Variants in ZNF804A observed in about 807,000 individuals in gnomAD.
ZNF804A encodes zinc finger protein 804A.
In ZNF804A, 2 loss-of-function variants were observed where a neutral mutation model predicts 16.5. The observed-to-expected ratio is 0.12, with a 90% confidence interval of 0.05 to 0.38. The LOEUF is 0.38. ZNF804A is among the 10% of genes least tolerant of loss of function. The pLI is 0.99. For synonymous variants in ZNF804A, 534 were observed against 489.6 expected, an observed-to-expected ratio of 1.09 and a Z score of -1.20; for missense variants, 1,473 against 1,390.7, an observed-to-expected ratio of 1.06 and a Z score of -0.94.
intron 2 of ZNF804A, among the ~76,000 whole-genome samples, chr2:184,872,835 A>G (rs1213173283): frequency 6.6e-6 from 1 of 152,190 alleles, no homozygotes; most frequent in African/African-American, 2.4e-5. Flanking sequence ...CCTAACAGTT[A>G]CCAAGACTAT....
rs1693835272 is a variant in ZNF804A at position 184,748,898 on chromosome 2, G to T, written c.112-117471G>T. 2.6e-5 allele frequency among the ~76,000 whole-genome samples: 4 copies of T among 151,238 alleles called. No individual in the cohort carries two copies. The South Asian group carries it at 8.3e-4, about 31-fold the overall frequency. ...CTTGTTGAATATCAGCATGTTGTAG[G>T]TGTGCGGCTTTATTTCTGAGTTTTC... On this transcript the variant is annotated intron_variant, in intron 1 of 3. Transcript: ENST00000302277.
intron 3 of ZNF804A, 120 bp from the exon 4 acceptor site, chr2:184,935,663 G>T: frequency 1.7e-6 from 2 of 1,200,290 alleles, no homozygotes; most frequent in Non-Finnish European, 2.2e-6. Context: ...AGGCAATTCT[G>T]TCACAAAGAT....
chr2:184,748,361 C>T (rs1235770557), intron 1 of ZNF804A, among the ~76,000 whole-genome samples: 3 of 151,174 alleles, frequency 2.0e-5, no homozygotes, highest in South Asian at 2.1e-4. Context: ...TCTTAATTTG[C>T]ATTTCTCTGA....
chr2:184,636,549 C>CCGTG, intron 1 of ZNF804A, among the ~76,000 whole-genome samples: 1 of 138,624 alleles, frequency 7.2e-6, no homozygotes, highest in Admixed American at 7.3e-5. Context: ...GGCTCTAGGG[C>CCGTG]TGTGTGTGTG....
At chr2:184,748,776 A>G (rs940035642) in intron 1 of ZNF804A, among the ~76,000 whole-genome samples, 2 of 151,318 alleles carry the variant, frequency 1.3e-5, no homozygotes, top group Non-Finnish European at 3.0e-5. Flanking sequence ...GGTGAAAGGT[A>G]AGTGTCTAGT....
At chr2:184,912,266 G>C (rs1361594808) in intron 2 of ZNF804A, among the ~76,000 whole-genome samples, 1 of 151,966 alleles carries the variant, frequency 6.6e-6, no homozygotes, top group Non-Finnish European at 1.5e-5. Context: ...TTTGTGTCTG[G>C]CTTATTTCCC....
At chr2:184,655,561 T>A (rs1692062448) in intron 1 of ZNF804A, among the ~76,000 whole-genome samples, 1 of 152,200 alleles carries the variant, frequency 6.6e-6, no homozygotes, top group African/African-American at 2.4e-5. Flanking sequence ...AATTGGTCCT[T>A]TTTGGATGAA....
At chr2:184,886,805 G>T (rs187092887) in intron 2 of ZNF804A, among the ~76,000 whole-genome samples, 1 of 152,202 alleles carries the variant, frequency 6.6e-6, no homozygotes, top group African/African-American at 2.4e-5. Flanking sequence ...TGCACACAGC[G>T]TGGGGGCCTG....
At chr2:184,655,482 G>C (rs1692061289) in intron 1 of ZNF804A, among the ~76,000 whole-genome samples, 1 of 152,168 alleles carries the variant, frequency 6.6e-6, no homozygotes, top group Non-Finnish European at 1.5e-5. Context: ...GGATGCATTT[G>C]ATCAACGACC....
chr2:184,619,639 G>T (rs1691386386), intron 1 of ZNF804A, among the ~76,000 whole-genome samples: 1 of 151,832 alleles, frequency 6.6e-6, no homozygotes, highest in African/African-American at 2.4e-5. Context: ...AAGCAGGTGG[G>T]TACAGTTATT....
intron 1 of ZNF804A, among the ~76,000 whole-genome samples, chr2:184,645,220 T>G (rs1691852698): frequency 6.6e-6 from 1 of 152,164 alleles, no homozygotes; most frequent in Admixed American, 6.5e-5. Flanking sequence ...TTTCAACGTT[T>G]TGTCTTCATA....
At chr2:184,754,937 A>T (rs1026903510) in intron 1 of ZNF804A, among the ~76,000 whole-genome samples, 1 of 151,848 alleles carries the variant, frequency 6.6e-6, no homozygotes, top group South Asian at 2.1e-4. Context: ...AAACCATCAG[A>T]TCTCGTGAGA....
intron 2 of ZNF804A, among the ~76,000 whole-genome samples, chr2:184,917,629 G>A (rs551396118): frequency 1.5e-4 from 23 of 151,840 alleles, no homozygotes; most frequent in Non-Finnish European, 2.4e-4. Context: ...ATTAGTTATC[G>A]TTAATCTTAC....
chr2:184,742,178 G>T (rs921764939), intron 1 of ZNF804A, among the ~76,000 whole-genome samples: 3 of 152,050 alleles, frequency 2.0e-5, no homozygotes, highest in African/African-American at 7.2e-5. Flanking sequence ...CGGATATGGT[G>T]TGTAACTATA....
chr2:184,886,375 GA>G (rs1391205160), intron 2 of ZNF804A, among the ~76,000 whole-genome samples: 1 of 152,156 alleles, frequency 6.6e-6, no homozygotes, highest in Non-Finnish European at 1.5e-5. Flanking sequence ...GCTGGCATTG[GA>G]GTGTCTGTGG....
chr2:184,884,515 A>G (rs75500215), intron 2 of ZNF804A, among the ~76,000 whole-genome samples: 2 of 152,066 alleles, frequency 1.3e-5, no homozygotes, highest in South Asian at 4.1e-4. Flanking sequence ...TAAAAAAAAA[A>G]TCAAAGCTGG....
chr2:184,640,782 A>G (rs1189486616), intron 1 of ZNF804A, among the ~76,000 whole-genome samples: 1 of 152,194 alleles, frequency 6.6e-6, no homozygotes, highest in East Asian at 1.9e-4. Flanking sequence ...AAAGTTTATG[A>G]TAATGGCTTT....
rs1007302544 is a variant in ZNF804A at position 184,937,211 on chromosome 2, T to A, written c.1815T>A (p.His605Gln). Reference sequence around the variant, plus strand: ...AAAAAAGAAAAAAGTTATGTCAGCATCATCATATGGAGAAAACCAAAGAAT... The same window carrying A: ...AAAAAAGAAAAAAGTTATGTCAGCAACATCATATGGAGAAAACCAAAGAAT... ...RKKKRKKLCQ[H>Q]HHMEKTKESE... The change falls in exon 4 of 4, where the codon CAT (histidine) becomes CAA (glutamine). Residue 605 changes from histidine to glutamine, a missense_variant. Physicochemically the swap from His to Gln is conservative, Grantham distance 24 (BLOSUM62 0). Transcript: ENST00000302277. 1 of 1,604,362 alleles carries A rather than the reference T, an allele frequency of 6.2e-7. No individual in the cohort carries two copies. The highest frequency in any genetic ancestry group is 8.5e-7 in the Non-Finnish European group (1 of 1,177,726).
Position 184,938,288 on chromosome 2 carries a change from A to G in ZNF804A, c.2892A>G (p.Ser964=). The G allele has an allele frequency of 6.2e-7, 1 of 1,614,130 alleles. No individual in the cohort carries two copies. The highest frequency in any genetic ancestry group is 8.5e-7 in the Non-Finnish European group (1 of 1,180,014). Residue 964 remains serine (S), a synonymous_variant, in exon 4 of 4, where the codon TCA becomes TCG. Transcript: ENST00000302277. ...VPNIERNFRQ[S]QPKSYLCHYE... is the part of the protein sequence containing the mutation. ...ATATTGAAAGGAACTTTAGACAGTC[A>G]CAGCCTAAATCCTATCTTTGCCATT...
Sources: allele counts gnomAD v4.1 joint callset (sites outside exome capture counted in the v4.1 genomes callset), GRCh38; gene constraint gnomAD v4.1.1; transcripts MANE v1.5; gene names NCBI Gene and HGNC (gene_info 2026-07-23, HGNC 2026-07-21).